The following CCDC141 variants were observed in gnomAD, a reference collection of about 807,000 sequenced individuals.
CCDC141 encodes the protein coiled-coil domain-containing protein 141.
A neutral mutation model predicts 181.0 loss-of-function variants in CCDC141; 168 were observed. The ratio of observed to expected loss-of-function variants is 0.93; its 90% CI spans 0.82 to 1.05. The LOEUF (loss-of-function observed/expected upper bound fraction) is 1.05, where lower values mean the gene tolerates loss of function less well. Among genes scored for constraint, CCDC141 ranks in the 50% least tolerant of loss-of-function variants. CCDC141 has a pLI of 0.00. For synonymous variants in CCDC141, 666 were observed against 642.3 expected (o/e 1.04, Z -0.56); for missense variants, 1,902 against 1,788.5 (o/e 1.06, Z -1.14).
At chr2:178,903,449 C>G in intron 8 of CCDC141, among the ~76,000 whole-genome samples, 1 of 152,034 alleles carries the variant, frequency 6.6e-6, no homozygotes, top group Non-Finnish European at 1.5e-5. Flanking sequence ...AGTTCATGTC[C>G]TTTGTAGGGA....
chr2:178,932,581 AAC>A (rs1464232035), intron 6 of CCDC141, among the ~76,000 whole-genome samples: 2 of 152,198 alleles, frequency 1.3e-5, no homozygotes, highest in Admixed American at 1.3e-4. Flanking sequence ...ATTGAAAAAC[AAC>A]ACATACAATT....
At chr2:178,923,871 A>G (rs1359601794) in intron 6 of CCDC141, among the ~76,000 whole-genome samples, 2 of 152,214 alleles carry the variant, frequency 1.3e-5, no homozygotes, top group Admixed American at 6.5e-5. Flanking sequence ...TAAGAGGATT[A>G]GTGCTGACAG....
chr2:179,010,243 G>A (rs536887330), intron 2 of CCDC141, among the ~76,000 whole-genome samples: 12 of 152,214 alleles, frequency 7.9e-5, no homozygotes, highest in African/African-American at 2.4e-4. Context: ...AATAATCGAG[G>A]AAAACTTCCC....
At chr2:178,869,423 A>T in intron 14 of CCDC141, 118 bp from the exon 15 acceptor site, 1 of 697,154 alleles carries the variant, frequency 1.4e-6, no homozygotes, top group Non-Finnish European at 2.2e-6. Context: ...AATACTTATT[A>T]TGAATGCCCC....
rs2154367389 is a variant in CCDC141 at position 178,853,616 on chromosome 2, A to G, written c.3069T>C (p.Phe1023=). The G allele has an allele frequency of 1.9e-6, 3 of 1,611,518 alleles. No homozygotes were observed. In the East Asian group the frequency reaches 6.7e-5, roughly 36 times the overall value. ...HFQEVIEECH[F]WYEDASATVV... ...CTGTGGCACTTGCATCTTCGTACCA[A>G]AAATGACACTAAATTTAAATGGGAT... Residue 1023 remains phenylalanine, a synonymous_variant, in exon 20 of 24, where the codon TTT becomes TTC. Coordinates refer to ENST00000443758, the MANE Select transcript of CCDC141 (RefSeq NM_173648.4).
intron 9 of CCDC141, among the ~76,000 whole-genome samples, chr2:178,887,280 G>A (rs1575171655): frequency 6.6e-6 from 1 of 152,278 alleles, no homozygotes; most frequent in South Asian, 2.1e-4. Context: ...CAGAGCATGA[G>A]CATTGCAGTA....
rs192467706 is a variant in CCDC141 at position 178,888,737 on chromosome 2, T to A, written c.1266-69A>T. Reference sequence around the variant, plus strand: ...AGAACACAGAATATTTGAAAACAGATCTGCTCTCATGTTAGGTAGGCGTTG... The same window carrying A: ...AGAACACAGAATATTTGAAAACAGAACTGCTCTCATGTTAGGTAGGCGTTG... On this transcript the variant is annotated intron_variant, in intron 8 of 23. Transcript: ENST00000443758. The A allele has an allele frequency of 2.0e-6, 3 of 1,508,548 alleles. No individual in the cohort carries two copies. The East Asian group carries it at 7.4e-5, about 37-fold the overall frequency. The allele number at this position is 1,508,548 out of a possible 1,614,324, so 93.4% of individuals were successfully genotyped here.
intron 5 of CCDC141, among the ~76,000 whole-genome samples, chr2:178,951,911 C>T (rs527253037): frequency 2.0e-5 from 3 of 152,320 alleles, no homozygotes; most frequent in Non-Finnish European, 4.4e-5. Context: ...TCCCCCTTAC[C>T]AACCGACTTG....
chr2:179,000,570 T>C (rs1451681012), intron 2 of CCDC141, among the ~76,000 whole-genome samples: 1 of 152,170 alleles, frequency 6.6e-6, no homozygotes, highest in Middle Eastern at 3.2e-3. Flanking sequence ...GAAATAATAT[T>C]TTTAGTGGCT....
chr2:179,005,439 T>C (rs572578410), intron 2 of CCDC141, among the ~76,000 whole-genome samples: 7 of 152,290 alleles, frequency 4.6e-5, no homozygotes, highest in African/African-American at 1.4e-4. Context: ...AAAGATGAGA[T>C]GCATTTAGAG....
At chr2:178,975,198 C>A in intron 3 of CCDC141, 33 bp from the exon 4 acceptor site, 1 of 1,158,150 alleles carries the variant, frequency 8.6e-7, no homozygotes, top group Non-Finnish European at 1.2e-6. Flanking sequence ...AGACATTTGA[C>A]ATTTGTATAA....
rs1222782010 is a variant in CCDC141 at position 178,868,025 on chromosome 2, C to T, written c.2574+1G>A. 5 of 1,603,926 alleles carry T rather than the reference C, an allele frequency of 3.1e-6. No homozygotes were observed. Among genetic ancestry groups the T allele is most frequent in the Admixed American group, 1.7e-5 (1 of 59,886 alleles). On this transcript the variant is annotated splice_donor_variant, in intron 16 of 23. Coordinates refer to ENST00000443758, the MANE Select transcript of CCDC141 (RefSeq NM_173648.4). LOFTEE classifies it high-confidence loss of function. ...AAATGATAGTGTTATTAGATGCTTA[C>T]AGGCCGCTGCACTGATGAGATGATG...
chr2:179,026,603 G>A (rs1420148196), intron 2 of CCDC141, among the ~76,000 whole-genome samples: 1 of 152,214 alleles, frequency 6.6e-6, no homozygotes, highest in Non-Finnish European at 1.5e-5. Flanking sequence ...CCCACACAGA[G>A]TACCCCCAGC....
At position 178,865,836 on chromosome 2, in the gene CCDC141, T is replaced by A. The variant is rs756832943; in HGVS notation, c.2655A>T (p.Lys885Asn). The A allele has an allele frequency of 4.4e-6, 7 of 1,607,770 alleles. No homozygotes were observed. The Admixed American group carries it at 1.0e-4, about 23-fold the overall frequency. The change falls in exon 17 of 24, where the codon AAA (lysine) becomes AAT (asparagine). Residue 885 changes from lysine (K) to asparagine (N), a missense_variant. By Grantham distance (94) the Lys-to-Asn change is moderately conservative. Transcript: ENST00000443758. ...ACAGGGTCCGTCCATACTCCTCAGCTTTGGCACGCCACTTCATGCTGTCCT... is the reference window on the plus strand; with the variant it reads ...ACAGGGTCCGTCCATACTCCTCAGCATTGGCACGCCACTTCATGCTGTCCT... Reference protein sequence around the residue: ...LEEDSMKWRAKAEEYGRTLSR... With the variant: ...LEEDSMKWRANAEEYGRTLSR...
chr2:178,989,195 T>C (rs1691907369), intron 2 of CCDC141, among the ~76,000 whole-genome samples: 2 of 151,880 alleles, frequency 1.3e-5, no homozygotes, highest in South Asian at 4.2e-4. Context: ...AAGGACATTA[T>C]CAAAGAAGTA....
chr2:179,019,682 C>T (rs2042638766), intron 2 of CCDC141, among the ~76,000 whole-genome samples: 1 of 152,088 alleles, frequency 6.6e-6, no homozygotes, highest in East Asian at 1.9e-4. Flanking sequence ...AAAGTTGAAA[C>T]AACATAGTTC....
Position 178,832,970 on chromosome 2 carries a change from T to G in CCDC141, c.*1203A>C, listed in dbSNP as rs994401331. ...TATAGTAATAATTATTGTAAAAGGA[T>G]AGAATTCATCTCATACCATTCTATT... On this transcript the variant is annotated 3_prime_UTR_variant, in exon 24 of 24. Transcript: ENST00000443758. The G allele has an allele frequency of 6.6e-6, 1 of 152,176 alleles. No homozygotes were observed. Among genetic ancestry groups the G allele is most frequent in the Admixed American group, 6.6e-5 (1 of 15,266 alleles). The allele number at this position is 152,176 out of a possible 1,614,324, so 9.4% of individuals were successfully genotyped here. A position where few individuals can be genotyped will look rare whatever the true frequency, so the allele number is the denominator to read the frequency against.
chr2:179,042,665 C>T (rs1314936384), intron 2 of CCDC141, among the ~76,000 whole-genome samples: 1 of 152,158 alleles, frequency 6.6e-6, no homozygotes, highest in Admixed American at 6.6e-5. Flanking sequence ...TTCTTTGAAA[C>T]TAATGAGAAC....
At chr2:178,915,444 T>C (rs1229834513) in intron 7 of CCDC141, among the ~76,000 whole-genome samples, 5 of 152,360 alleles carry the variant, frequency 3.3e-5, no homozygotes, top group African/African-American at 1.2e-4. Context: ...CATTTATATA[T>C]TGCCCATTAC....
Sources: gnomAD v4.1 joint callset for allele counts (sites outside exome capture counted in the v4.1 genomes callset) on GRCh38, gnomAD v4.1.1 for gene constraint, MANE v1.5 for transcripts, NCBI Gene and HGNC (gene_info 2026-07-23, HGNC 2026-07-21) for gene names.